Variants in GOLGA7 observed in about 807,000 individuals in gnomAD.
GOLGA7 encodes golgin A7, also known as golgin subfamily A member 7.
Under a neutral mutation model 21.1 loss-of-function variants are expected in GOLGA7, and 10 were observed. The ratio of observed to expected loss-of-function variants is 0.47; its 90% CI spans 0.29 to 0.80. The LOEUF is 0.80. GOLGA7 is among the 30% of genes least tolerant of loss of function. The pLI is 0.08. For synonymous variants in GOLGA7, 64 were observed against 62.6 expected, an observed-to-expected ratio of 1.02 and a Z score of -0.10; for missense variants, 114 against 166.8, an observed-to-expected ratio of 0.68 and a Z score of 1.74.
At chr8:41,504,896 A>G (rs1806245958) in intron 2 of GOLGA7, among the ~76,000 whole-genome samples, 1 of 152,170 alleles carries the variant, frequency 6.6e-6, no homozygotes, top group African/African-American at 2.4e-5. Flanking sequence ...TTCCAACTTT[A>G]TTTCCATACA....
chr8:41,504,681 C>G (rs1236571033), intron 2 of GOLGA7, among the ~76,000 whole-genome samples: 1 of 152,080 alleles, frequency 6.6e-6, no homozygotes, highest in African/African-American at 2.4e-5. Flanking sequence ...TTTGAAGAAG[C>G]ATAAAACATG....
In GOLGA7 at chr8:41,490,641, G is replaced by C. The variant is rs996172110; in HGVS notation, c.-214G>C. ...GGGTTTGTGTTTCCCGGGCCGAACC[G>C]GGTTGTGGGGGGCGCGGGGCCTGGG... On this transcript the variant is annotated 5_prime_UTR_variant, in exon 1 of 5. Coordinates refer to ENST00000357743, the MANE Select transcript of GOLGA7 (RefSeq NM_001002296.2). 8 of 544,868 alleles carry C rather than the reference G, an allele frequency of 1.5e-5. No homozygotes were observed. The highest frequency in any genetic ancestry group is 4.8e-4 in the Middle Eastern group (1 of 2,066). 33.8% of individuals were successfully genotyped at this position (544,868 alleles called of 1,614,324 possible).
chr8:41,507,230 A>C, intron 4 of GOLGA7, 109 bp downstream of exon 4: 1 of 684,160 alleles, frequency 1.5e-6, no homozygotes, highest in Non-Finnish European at 2.7e-6. Flanking sequence ...GTTAAATAAC[A>C]GTATATTTGC....
At chr8:41,501,100 T>C (rs950551906) in intron 2 of GOLGA7, among the ~76,000 whole-genome samples, 1 of 152,244 alleles carries the variant, frequency 6.6e-6, no homozygotes, top group Non-Finnish European at 1.5e-5. Context: ...ATTTTAATTG[T>C]ATTTGTCAAA....
intron 1 of GOLGA7, among the ~76,000 whole-genome samples, chr8:41,495,870 C>A (rs1806000164): frequency 6.6e-6 from 1 of 151,982 alleles, no homozygotes; most frequent in South Asian, 2.1e-4. Context: ...ATCTGTTATA[C>A]AAAGTACTAT....
At position 41,505,935 on chromosome 8, in the gene GOLGA7, A is replaced by C. The variant is rs758495785; in HGVS notation, c.289A>C (p.Ile97Leu). 2 of 1,593,576 alleles carry C rather than the reference A, an allele frequency of 1.3e-6. No homozygotes were observed. The highest frequency in any genetic ancestry group is 2.3e-5 in the East Asian group (1 of 44,334). The change falls in exon 3 of 5, where the codon ATT becomes CTT. Residue 97 changes from isoleucine (I) to leucine (L), a missense_variant. By Grantham distance (5) the Ile-to-Leu change is conservative. Transcript: ENST00000357743. ...EKVLKKVSKY[I>L]QEQNEKIYAP... Reference sequence around the variant, plus strand: ...GGTTCTGAAGAAAGTCTCCAAATACATTCAAGAGCAGAATGAGAAGATCTA... The same window carrying C: ...GGTTCTGAAGAAAGTCTCCAAATACCTTCAAGAGCAGAATGAGAAGATCTA...
intron 1 of GOLGA7, among the ~76,000 whole-genome samples, chr8:41,491,720 A>G (rs892765449): frequency 2.0e-5 from 3 of 151,558 alleles, no homozygotes; most frequent in Non-Finnish European, 4.4e-5. Context: ...GAGGTAATGG[A>G]GTGTGTGCGT....
At chr8:41,504,290 G>T (rs987072061) in intron 2 of GOLGA7, among the ~76,000 whole-genome samples, 1 of 152,154 alleles carries the variant, frequency 6.6e-6, no homozygotes, top group Admixed American at 6.6e-5. Context: ...AGCCATGCAG[G>T]CATTTTTCTG....
intron 1 of GOLGA7, among the ~76,000 whole-genome samples, chr8:41,496,416 C>G (rs527849994): frequency 1.2e-3 from 181 of 152,068 alleles, no homozygotes; most frequent in African/African-American, 4.0e-3. Context: ...TTTCTGACTT[C>G]AGAATTTAAG....
intron 4 of GOLGA7, among the ~76,000 whole-genome samples, chr8:41,507,793 T>G (rs62507800): frequency 0.027 from 4,041 of 152,282 alleles, 89 homozygotes; most frequent in Middle Eastern, 0.075. Context: ...CTTCACTATT[T>G]CTGCCAATTT....
intron 2 of GOLGA7, among the ~76,000 whole-genome samples, chr8:41,500,650 G>A (rs1019332376): frequency 6.6e-6 from 1 of 152,180 alleles, no homozygotes; most frequent in Non-Finnish European, 1.5e-5. Context: ...CGCTGGTCTC[G>A]AACTCCTGGG....
chr8:41,490,745 G>C lies in GOLGA7; in HGVS notation c.-110G>C. 1 of 653,236 alleles carries C rather than the reference G, an allele frequency of 1.5e-6. No homozygotes were observed. Among genetic ancestry groups the C allele is most frequent in the Non-Finnish European group, 2.8e-6 (1 of 361,614 alleles). The allele number at this position is 653,236 out of a possible 1,614,324, so 40.5% of individuals were successfully genotyped here. ...GAGGAGGCCTTGGGCTGTTTTCGGC[G>C]GCGGGTGGGGGCGAGGGGCTGGCGG... On this transcript the variant is annotated 5_prime_UTR_variant, in exon 1 of 5. Coordinates refer to ENST00000357743, the MANE Select transcript of GOLGA7 (RefSeq NM_001002296.2).
chr8:41,490,793 G>T lies in GOLGA7; in HGVS notation c.-62G>T. ...CGGGTCAGAGTCCCGGGTCCAGGCC[G>T]GGGCTCTGACTCGCGGTTGGTGTTC... On this transcript the variant is annotated 5_prime_UTR_variant, in exon 1 of 5. Coordinates refer to ENST00000357743, the MANE Select transcript of GOLGA7 (RefSeq NM_001002296.2). 2.2e-6 allele frequency: 2 copies of T among 916,938 alleles called. No homozygotes were observed. Among genetic ancestry groups the T allele is most frequent in the African/African-American group, 1.6e-5 (1 of 61,346 alleles). The allele number at this position is 916,938 out of a possible 1,614,324, so 56.8% of individuals were successfully genotyped here. A position where few individuals can be genotyped will look rare whatever the true frequency, so the allele number is the denominator to read the frequency against.
intron 1 of GOLGA7, among the ~76,000 whole-genome samples, chr8:41,493,769 C>T (rs1457039863): frequency 6.6e-6 from 1 of 152,178 alleles, no homozygotes; most frequent in African/African-American, 2.4e-5. Context: ...CCTGATTTCT[C>T]TTTCCATTCT....
chr8:41,498,224 A>G (rs547683329), intron 2 of GOLGA7, among the ~76,000 whole-genome samples: 7 of 152,318 alleles, frequency 4.6e-5, no homozygotes, highest in Admixed American at 4.6e-4. Context: ...CTCTGCCACT[A>G]TCCTGGGTTA....
intron 2 of GOLGA7, among the ~76,000 whole-genome samples, chr8:41,498,341 A>G (rs773319560): frequency 6.6e-6 from 1 of 152,036 alleles, no homozygotes; most frequent in African/African-American, 2.4e-5. Flanking sequence ...TAAAGCGCAG[A>G]TTTACTTCCC....
chr8:41,491,622 C>T (rs949907584), intron 1 of GOLGA7, among the ~76,000 whole-genome samples: 1 of 151,002 alleles, frequency 6.6e-6, no homozygotes, highest in African/African-American at 2.4e-5. Flanking sequence ...GGCAACATTG[C>T]AGGCAAAAAT....
At chr8:41,499,066 A>G (rs1364534289) in intron 2 of GOLGA7, among the ~76,000 whole-genome samples, 1 of 152,176 alleles carries the variant, frequency 6.6e-6, no homozygotes, top group Non-Finnish European at 1.5e-5. Context: ...ATCTCATATA[A>G]ACAGGTATAT....
At chr8:41,501,371 C>T (rs1290186516) in intron 2 of GOLGA7, among the ~76,000 whole-genome samples, 4 of 150,906 alleles carry the variant, frequency 2.7e-5, no homozygotes, top group Non-Finnish European at 5.9e-5. Context: ...TGCAGTGGTG[C>T]GATCCCGGCT....
Sources: allele counts gnomAD v4.1 joint callset (sites outside exome capture counted in the v4.1 genomes callset), GRCh38; gene constraint gnomAD v4.1.1; transcripts MANE v1.5; gene names NCBI Gene and HGNC (gene_info 2026-07-23, HGNC 2026-07-21).